Variants in NRCAM observed in about 807,000 individuals in gnomAD.
The protein encoded by NRCAM is NgCAM-related cell adhesion molecule.
In NRCAM, 83 loss-of-function variants were observed where a neutral mutation model predicts 156.5. That is an observed-to-expected ratio of 0.53 (90% confidence interval 0.44 to 0.64). The LOEUF is 0.64. Among genes scored for constraint, NRCAM ranks in the 30% least tolerant of loss-of-function variants. The pLI is 0.00. For missense variants in NRCAM, 1,417 were observed against 1,597.3 expected (o/e 0.89, Z 1.92); for synonymous variants, 538 against 563.9 (o/e 0.95, Z 0.65).
intron 3 of NRCAM, among the ~76,000 whole-genome samples, chr7:108,294,252 T>A (rs1231370536): frequency 7.7e-6 from 1 of 130,456 alleles, no homozygotes; most frequent in Non-Finnish European, 1.6e-5. Flanking sequence ...TTGAGTGAAC[T>A]CACAGTCAAA....
At chr7:108,427,478 G>A (rs925276321) in intron 1 of NRCAM, among the ~76,000 whole-genome samples, 1 of 152,156 alleles carries the variant, frequency 6.6e-6, no homozygotes, top group Non-Finnish European at 1.5e-5. Flanking sequence ...CAAGTTTTTT[G>A]AGACATTGAT....
At chr7:108,205,604 G>C (rs543069078) in intron 13 of NRCAM, among the ~76,000 whole-genome samples, 2 of 152,260 alleles carry the variant, frequency 1.3e-5, no homozygotes, top group African/African-American at 4.8e-5. Context: ...GTTTCACTGA[G>C]TCTAGATCTC....
At position 108,430,087 on chromosome 7, in the gene NRCAM, G is replaced by A. The variant is rs532767262; in HGVS notation, c.-332+26156C>T. On this transcript the variant is annotated intron_variant, in intron 1 of 32. Coordinates refer to ENST00000379028, the MANE Select transcript of NRCAM (RefSeq NM_001037132.4). ...GCACAGGGGCTGCAGAGCTGAGTTG[G>A]GGGGTGCACAAGGAAAGATGAGGCC... Among the ~76,000 whole-genome samples the A allele has an allele frequency of 5.9e-5, 9 of 152,268 alleles. No individual in the cohort carries two copies. In the South Asian group the frequency reaches 1.9e-3, roughly 32 times the overall value.
At chr7:108,237,921 T>A (rs1335090574) in intron 4 of NRCAM, among the ~76,000 whole-genome samples, 152 bp from the exon 5 acceptor site, 1 of 152,218 alleles carries the variant, frequency 6.6e-6, no homozygotes, top group Non-Finnish European at 1.5e-5. Context: ...AGGTTGAATT[T>A]GTGAAGTTGC....
chr7:108,401,147 T>C (rs1184127678), intron 1 of NRCAM, among the ~76,000 whole-genome samples: 1 of 151,744 alleles, frequency 6.6e-6, no homozygotes, highest in Non-Finnish European at 1.5e-5. Context: ...GGCTGAGGCA[T>C]GAGAATCACT....
intron 2 of NRCAM, chr7:108,328,535 C>A (rs537646050): frequency 6.6e-6 from 1 of 152,166 alleles, no homozygotes; most frequent in Admixed American, 6.5e-5. Flanking sequence ...GCAATTGAAC[C>A]CTGCTGTGGC....
At chr7:108,183,538 C>CTTTTTT (rs748524375) in intron 22 of NRCAM, among the ~76,000 whole-genome samples, 1 of 145,310 alleles carries the variant, frequency 6.9e-6, no homozygotes, top group Non-Finnish European at 1.5e-5. Flanking sequence ...CCAGGTGGCT[C>CTTTTTT]TTTTTTTTTC....
At chr7:108,277,614 G>A (rs998836489) in intron 3 of NRCAM, among the ~76,000 whole-genome samples, 1 of 152,002 alleles carries the variant, frequency 6.6e-6, no homozygotes, top group African/African-American at 2.4e-5. Context: ...CTCTACACTG[G>A]TTATTCTAGT....
chr7:108,369,902 C>T (rs1332849573), intron 2 of NRCAM, among the ~76,000 whole-genome samples: 1 of 152,028 alleles, frequency 6.6e-6, no homozygotes, highest in African/African-American at 2.4e-5. Context: ...TTGGAGAAAA[C>T]ACTATCTGAT....
At chr7:108,245,826 A>G (rs2095870232) in intron 3 of NRCAM, among the ~76,000 whole-genome samples, 1 of 152,250 alleles carries the variant, frequency 6.6e-6, no homozygotes, top group Non-Finnish European at 1.5e-5. Flanking sequence ...TGCAACACAC[A>G]TGATCATCTG....
chr7:108,338,729 C>A (rs951230290), intron 2 of NRCAM, among the ~76,000 whole-genome samples: 1 of 152,060 alleles, frequency 6.6e-6, no homozygotes, highest in Non-Finnish European at 1.5e-5. Context: ...GTGCCCTATT[C>A]CTTTAAAAGC....
rs2074654445 is a variant in NRCAM at position 108,195,703 on chromosome 7, A to C, written c.1463+58T>G. On this transcript the variant is annotated intron_variant, in intron 15 of 32. Transcript: ENST00000379028. ...TTGAATAAAACCCAACATATTTAGA[A>C]TATGAAGCCTTTAGCAAACATTTTA... 5.4e-6 allele frequency: 5 copies of C among 920,278 alleles called. No individual in the cohort carries two copies. In the Admixed American group the frequency reaches 9.6e-5, roughly 18 times the overall value. The allele number at this position is 920,278 out of a possible 1,614,324, so 57.0% of individuals were successfully genotyped here.
chr7:108,430,321 C>T (rs1823339330), intron 1 of NRCAM, among the ~76,000 whole-genome samples: 1 of 152,130 alleles, frequency 6.6e-6, no homozygotes, highest in African/African-American at 2.4e-5. Context: ...ACAGGAGGCT[C>T]TCACAATATC....
chr7:108,395,696 C>T (rs1345409872), intron 2 of NRCAM, among the ~76,000 whole-genome samples: 1 of 152,170 alleles, frequency 6.6e-6, no homozygotes, highest in African/African-American at 2.4e-5. Flanking sequence ...CAGTGCTGTT[C>T]CAAACTCTGA....
chr7:108,268,636 T>TGAG (rs2097206430), intron 3 of NRCAM, among the ~76,000 whole-genome samples: 1 of 8,492 alleles, frequency 1.2e-4, no homozygotes, highest in Non-Finnish European at 2.2e-4. Context: ...GGGGGGGGGT[T>TGAG]GGGGGGGGCG....
rs2073730249 is a variant in NRCAM at position 108,194,291 on chromosome 7, G to A, written c.1601C>T (p.Ala534Val). Residue 534 changes from alanine (A) to valine (V), a missense_variant, in exon 16 of 33, where the codon GCG becomes GTG. Ala to Val is a moderately conservative substitution (Grantham distance 64). This residue lies in a region of NRCAM where 1,238 missense variants were observed against 1,336.4 expected (regional missense o/e 0.93). Transcript: ENST00000379028. ...GATTTCTAAGTGAACTTCATTCTTC[G>A]CCATCCCTAATTTATTCCTTGCAAC... ...TCVARNKLGM[A>V]KNEVHLEIKD... 1.2e-6 allele frequency: 2 copies of A among 1,611,862 alleles called. No homozygotes were observed. The highest frequency in any genetic ancestry group is 2.7e-5 in the African/African-American group (2 of 74,832).
Position 108,194,363 on chromosome 7 carries a change from A to G in NRCAM, c.1529T>C (p.Leu510Ser). The G allele has an allele frequency of 6.2e-7, 1 of 1,613,632 alleles. No homozygotes were observed. Among genetic ancestry groups the G allele is most frequent in the Non-Finnish European group, 8.5e-7 (1 of 1,179,668 alleles). ...GTCCTTTTGGGCCACAGGAATTTCC[A>G]AAGTTCCATTTTCATGTAAAACATA... Reference protein sequence around the residue: ...DIYVLHENGTLEIPVAQKDST... With the variant: ...DIYVLHENGTSEIPVAQKDST... Residue 510 changes from leucine (L) to serine (S), a missense_variant, in exon 16 of 33, where the codon TTG (leucine) becomes TCG (serine). Transcript: ENST00000379028.
intron 2 of NRCAM, among the ~76,000 whole-genome samples, chr7:108,357,003 A>G (rs2099508234): frequency 6.6e-6 from 1 of 152,202 alleles, no homozygotes; most frequent in Admixed American, 6.5e-5. Flanking sequence ...CCATGCAAGG[A>G]TACAACTAGA....
chr7:108,254,554 T>TATTTATTA (rs60213692), intron 3 of NRCAM, among the ~76,000 whole-genome samples: 1 of 146,464 alleles, frequency 6.8e-6, no homozygotes, highest in Admixed American at 6.7e-5. Flanking sequence ...AATTTTGCTT[T>TATTTATTA]TTTTTTTTTT....
Sources: allele counts gnomAD v4.1 joint callset (sites outside exome capture counted in the v4.1 genomes callset), GRCh38; gene constraint gnomAD v4.1.1; regional missense constraint gnomAD v4.1.1; transcripts MANE v1.5; gene names NCBI Gene and HGNC (gene_info 2026-07-23, HGNC 2026-07-21).